TMPRSS11B: variants seen among roughly 807,000 people sequenced by gnomAD.
TMPRSS11B encodes transmembrane serine protease 11B.
A neutral mutation model predicts 44.7 loss-of-function variants in TMPRSS11B; 53 were observed. That is an observed-to-expected ratio of 1.19 (90% CI 0.95 to 1.49). The LOEUF is 1.49. Among genes scored for constraint, TMPRSS11B ranks in the 40% most tolerant of loss-of-function variants. TMPRSS11B has a pLI of 0.00. For synonymous variants in TMPRSS11B, 140 were observed against 159.2 expected (o/e 0.88, Z 0.91); for missense variants, 526 against 494.8 (o/e 1.06, Z -0.60).
chr4:68,234,420 A>G, intron 5 of TMPRSS11B, 43 bp downstream of exon 5: 1 of 1,502,468 alleles, frequency 6.7e-7, no homozygotes. Context: ...AATAATCCAG[A>G]AAAAACCTAT....
At chr4:68,234,819 A>G (rs1560442623) in intron 4 of TMPRSS11B, among the ~76,000 whole-genome samples, 196 bp from the exon 5 acceptor site, 1 of 152,222 alleles carries the variant, frequency 6.6e-6, no homozygotes, top group African/African-American at 2.4e-5. Flanking sequence ...CAGATGTGCT[A>G]TTCATGGAAG....
intron 4 of TMPRSS11B, 106 bp downstream of exon 4, chr4:68,235,896 C>G (rs1719648737): frequency 1.8e-6 from 1 of 544,850 alleles, no homozygotes; most frequent in Non-Finnish European, 3.0e-6. Flanking sequence ...CTTTGTTTCT[C>G]TTTTTCTTTA....
chr4:68,244,344 G>A (rs1361422149), intron 1 of TMPRSS11B, among the ~76,000 whole-genome samples: 1 of 152,148 alleles, frequency 6.6e-6, no homozygotes, highest in East Asian at 1.9e-4. Flanking sequence ...TTAATTGCTG[G>A]CTGCACATGG....
At position 68,236,155 on chromosome 4, in the gene TMPRSS11B, G is replaced by T. The variant is rs1398151347; in HGVS notation, c.236C>A (p.Thr79Asn). The change falls in exon 3 of 10, where the codon ACT becomes AAT. Residue 79 changes from threonine (T) to asparagine (N), a missense_variant. By Grantham distance (65) the Thr-to-Asn change is moderately conservative. Transcript: ENST00000332644. ...TTTTAAAAATCTCTGATTTACCTTA[G>T]TCTCAATATCTTTGCTTAGATTTGT... ...ASTNLSKDIE[T>N]KMLNAFQNSS... The T allele has an allele frequency of 6.2e-7, 1 of 1,602,696 alleles. No homozygotes were observed. The highest frequency in any genetic ancestry group is 1.1e-5 in the South Asian group (1 of 88,620).
intron 8 of TMPRSS11B, 38 bp downstream of exon 8, chr4:68,229,219 T>G: frequency 6.7e-7 from 1 of 1,502,922 alleles, no homozygotes; most frequent in Non-Finnish European, 9.0e-7. Flanking sequence ...TAAATAGTTA[T>G]TCCCATGCAG....
chr4:68,235,104 A>G (rs1229657844), intron 4 of TMPRSS11B, among the ~76,000 whole-genome samples: 1 of 152,182 alleles, frequency 6.6e-6, no homozygotes, highest in Non-Finnish European at 1.5e-5. Context: ...GTCTGCCCCA[A>G]CAGATCTATA....
intron 5 of TMPRSS11B, among the ~76,000 whole-genome samples, chr4:68,233,783 T>C (rs1288792920): frequency 6.6e-6 from 1 of 152,090 alleles, no homozygotes; most frequent in Non-Finnish European, 1.5e-5. Context: ...TCCCTAACAT[T>C]GTTCTTAACT....
chr4:68,234,191 G>C (rs1719596452), intron 5 of TMPRSS11B, among the ~76,000 whole-genome samples: 1 of 151,300 alleles, frequency 6.6e-6, no homozygotes, highest in South Asian at 2.1e-4. Flanking sequence ...AATTCAATTA[G>C]AACCCTTCAC....
chr4:68,239,254 G>T (rs534524104), intron 2 of TMPRSS11B, among the ~76,000 whole-genome samples: 1 of 150,026 alleles, frequency 6.7e-6, no homozygotes, highest in South Asian at 2.1e-4. Context: ...TCTCTTGCGC[G>T]CTCTCTCTCG....
intron 2 of TMPRSS11B, among the ~76,000 whole-genome samples, chr4:68,239,028 A>C (rs1008706680): frequency 6.6e-6 from 1 of 152,218 alleles, no homozygotes; most frequent in African/African-American, 2.4e-5. Flanking sequence ...GAATTCTATC[A>C]GTTCAAGGTA....
At chr4:68,235,550 T>C (rs559630435) in intron 4 of TMPRSS11B, among the ~76,000 whole-genome samples, 6 of 152,328 alleles carry the variant, frequency 3.9e-5, no homozygotes, top group African/African-American at 1.4e-4. Flanking sequence ...TCTTAAAATA[T>C]TGTCTTTGTT....
intron 1 of TMPRSS11B, among the ~76,000 whole-genome samples, chr4:68,242,277 A>G (rs1406661580): frequency 1.3e-5 from 1 of 76,988 alleles, no homozygotes; most frequent in African/African-American, 6.4e-5. Flanking sequence ...ATATAATATT[A>G]TATATATTAT....
In TMPRSS11B at chr4:68,228,011, A is replaced by C; in HGVS notation, c.1151T>G (p.Ile384Arg). The change falls in exon 10 of 10, where the codon ATA becomes AGA. Residue 384 changes from isoleucine (I) to arginine (R), a missense_variant. Coordinates refer to ENST00000332644, the MANE Select transcript of TMPRSS11B (RefSeq NM_182502.3). ...DSRNIWHLVG[I>R]VSWGDGCGKK... is the part of the protein sequence containing the mutation. Reference sequence around the variant, plus strand: ...ACCACATCCATCACCCCAGCTTACTATTCCAACAAGATGCCAGATATTTCT... The same window carrying C: ...ACCACATCCATCACCCCAGCTTACTCTTCCAACAAGATGCCAGATATTTCT... The C allele has an allele frequency of 6.2e-7, 1 of 1,613,930 alleles. No individual in the cohort carries two copies. Among genetic ancestry groups the C allele is most frequent in the Non-Finnish European group, 8.5e-7 (1 of 1,179,968 alleles).
chr4:68,236,740 A>G (rs1406447407), intron 2 of TMPRSS11B, among the ~76,000 whole-genome samples: 1 of 152,164 alleles, frequency 6.6e-6, no homozygotes, highest in Non-Finnish European at 1.5e-5. Context: ...GTCTAAACTC[A>G]GCCTAGCAAT....
At chr4:68,232,123 G>A in intron 6 of TMPRSS11B, 1 of 265,036 alleles carries the variant, frequency 3.8e-6, no homozygotes, top group Non-Finnish European at 7.0e-6. Flanking sequence ...ATTCAAATAT[G>A]ATATTTTTCA....
At chr4:68,238,506 T>A (rs1307624605) in intron 2 of TMPRSS11B, among the ~76,000 whole-genome samples, 16 of 151,624 alleles carry the variant, frequency 1.1e-4, no homozygotes. Context: ...GAGGATCACT[T>A]GAGGTCAGGG....
rs1051500297 is a variant in TMPRSS11B at position 68,231,138 on chromosome 4, C to A, written c.686+65G>T. On this transcript the variant is annotated intron_variant, in intron 7 of 9. Transcript: ENST00000332644. ...TGAACCTTGACACATTAAGTTAACC[C>A]CTACAAACTATCCAAAATAGTTTTG... 5 of 1,437,924 alleles carry A rather than the reference C, an allele frequency of 3.5e-6. No homozygotes were observed. In the African/African-American group the frequency reaches 7.1e-5, roughly 20 times the overall value. The allele number at this position is 1,437,924 out of a possible 1,614,324, so 89.1% of individuals were successfully genotyped here. A position where few individuals can be genotyped will look rare whatever the true frequency, so the allele number is the denominator to read the frequency against.
chr4:68,243,476 A>T (rs1484869410), intron 1 of TMPRSS11B, among the ~76,000 whole-genome samples: 1 of 152,062 alleles, frequency 6.6e-6, no homozygotes, highest in African/African-American at 2.4e-5. Flanking sequence ...CTTGTTAATT[A>T]GTGTTTCGCA....
chr4:68,228,942 T>C (rs1719431155), intron 8 of TMPRSS11B, 58 bp from the exon 9 acceptor site: 1 of 1,550,048 alleles, frequency 6.5e-7, no homozygotes, highest in South Asian at 1.2e-5. Context: ...GGACAAAGAA[T>C]ATCTACCTAT....
Sources: gnomAD v4.1 joint callset for allele counts (sites outside exome capture counted in the v4.1 genomes callset) on GRCh38, gnomAD v4.1.1 for gene constraint, MANE v1.5 for transcripts, NCBI Gene and HGNC (gene_info 2026-07-23, HGNC 2026-07-21) for gene names.